ELAPOR2: variants seen among roughly 807,000 people sequenced by gnomAD.
ELAPOR2 encodes the protein endosome-lysosome associated apoptosis and autophagy regulator family member 2.
ELAPOR2 carries 89 observed loss-of-function variants against 120.7 expected under a neutral mutation model. The observed-to-expected ratio is 0.74, with a 90% confidence interval of 0.62 to 0.88. The LOEUF is 0.88. ELAPOR2 is among the 40% of genes least tolerant of loss of function. The probability of loss-of-function intolerance (pLI) is 0.00; values close to 1 mark genes in which losing one functional copy is unlikely to be tolerated. For missense variants in ELAPOR2, 1,134 were observed against 1,251.6 expected (o/e 0.91, Z 1.42); for synonymous variants, 444 against 444.9 (o/e 1.00, Z 0.03).
At chr7:86,984,152 G>A (rs1792620228) in intron 1 of ELAPOR2, among the ~76,000 whole-genome samples, 1 of 152,090 alleles carries the variant, frequency 6.6e-6, no homozygotes, top group South Asian at 2.1e-4. Context: ...AAATATATAT[G>A]CACCTAATAC....
intron 1 of ELAPOR2, among the ~76,000 whole-genome samples, chr7:87,047,944 G>C (rs111721179): frequency 0.015 from 2,210 of 152,238 alleles, 56 homozygotes; most frequent in African/African-American, 0.05. Context: ...ACAAATGAAT[G>C]GATAAAGAAA....
Position 86,880,263 on chromosome 7 carries a change from CA to C in ELAPOR2, c.*207del, listed in dbSNP as rs1799332125. Reference sequence around the variant, plus strand: ...TTGAGCTTCATCTTCAGTTGAGACCCAAATCATTTGCTTTCCTTTATTTGGC... The same window carrying C: ...TTGAGCTTCATCTTCAGTTGAGACCCAATCATTTGCTTTCCTTTATTTGGC... On this transcript the variant is annotated 3_prime_UTR_variant, in exon 22 of 22. Transcript: ENST00000450689. The C allele has an allele frequency of 1.7e-6, 1 of 581,374 alleles. No homozygotes were observed. Among genetic ancestry groups the C allele is most frequent in the South Asian group, 2.2e-5 (1 of 45,008 alleles). 36.0% of individuals were successfully genotyped at this position (581,374 alleles called of 1,614,324 possible).
At position 86,945,005 on chromosome 7, in the gene ELAPOR2, C is replaced by G; in HGVS notation, c.548G>C (p.Arg183Pro). 1.3e-6 allele frequency: 2 copies of G among 1,550,262 alleles called. No individual in the cohort carries two copies. The highest frequency in any genetic ancestry group is 1.7e-6 in the Non-Finnish European group (2 of 1,146,536). ...IPRGNYIESN[R>P]DDCTVSLIYA... ...GATCAAAGACACCGTGCAGTCATCA[C>G]GATTAGATTCTATGTAGTTTCCACG... Residue 183 changes from arginine to proline, a missense_variant, in exon 4 of 22, where the codon CGT becomes CCT. Arg to Pro is a moderately radical substitution (Grantham distance 103, BLOSUM62 -2). Coordinates refer to ENST00000450689, the MANE Select transcript of ELAPOR2 (RefSeq NM_001142749.3).
intron 1 of ELAPOR2, among the ~76,000 whole-genome samples, chr7:87,018,403 T>A (rs1244947582): frequency 6.6e-6 from 1 of 152,188 alleles, no homozygotes; most frequent in East Asian, 1.9e-4. Context: ...CATAGGTTAG[T>A]ATCAATTCAT....
chr7:86,971,522 T>C lies in ELAPOR2; in HGVS notation c.190-6498A>G, dbSNP rs1792107512. On this transcript the variant is annotated intron_variant, in intron 1 of 21. Transcript: ENST00000450689. The stretch of plus-strand genomic sequence containing the variant: ...TTTCTCACATTTAAAGTATATCTTA[T>C]TGTATAAGACAGACTTCAAGCACAT... 2.0e-5 allele frequency among the ~76,000 whole-genome samples: 3 copies of C among 152,210 alleles called. 1 individual carries two copies. Among genetic ancestry groups the C allele is most frequent in the Admixed American group, 1.3e-4 (2 of 15,276 alleles).
intron 1 of ELAPOR2, among the ~76,000 whole-genome samples, chr7:87,038,430 C>T (rs1008197058): frequency 1.3e-5 from 2 of 152,042 alleles, no homozygotes; most frequent in East Asian, 1.9e-4. Context: ...GTATACATAA[C>T]GATGCAAACA....
chr7:87,024,902 C>T (rs1288061169), intron 1 of ELAPOR2, among the ~76,000 whole-genome samples: 1 of 149,120 alleles, frequency 6.7e-6, no homozygotes, highest in Non-Finnish European at 1.5e-5. Flanking sequence ...GAAATTGAGG[C>T]AATAATAAAA....
Position 86,903,362 on chromosome 7 carries a change from ATTTGGT to A in ELAPOR2, c.2558+4302_2558+4307del, listed in dbSNP as rs1190377171. On this transcript the variant is annotated intron_variant, in intron 18 of 21. Transcript: ENST00000450689. Reference sequence around the variant, plus strand: ...TTACTTTTTAATATTCTAAGAACGTATTTGGTTTTGGTCTTTTGAGTTAAATTGCCT... The same window carrying A: ...TTACTTTTTAATATTCTAAGAACGTATTTGGTCTTTTGAGTTAAATTGCCT... 1.4e-4 allele frequency among the ~76,000 whole-genome samples: 21 copies of A among 152,260 alleles called. No individual in the cohort carries two copies. The South Asian group carries it at 3.1e-3, about 23-fold the overall frequency.
At chr7:86,898,559 CAAAAA>C (rs11418158) in intron 18 of ELAPOR2, among the ~76,000 whole-genome samples, 17 of 66,586 alleles carry the variant, frequency 2.6e-4, no homozygotes, top group African/African-American at 6.2e-4. Context: ...ACACAATGAC[CAAAAA>C]AAAAAAAAAA....
chr7:86,968,070 A>T (rs1202291082), intron 1 of ELAPOR2, among the ~76,000 whole-genome samples: 1 of 152,206 alleles, frequency 6.6e-6, no homozygotes, highest in African/African-American at 2.4e-5. Flanking sequence ...CCTTAAATCC[A>T]TAGAAAGATC....
chr7:86,933,041 CTT>C (rs770803806), intron 8 of ELAPOR2, among the ~76,000 whole-genome samples: 16 of 151,622 alleles, frequency 1.1e-4, no homozygotes, highest in Non-Finnish European at 1.8e-4. Flanking sequence ...ACTCATCTGA[CTT>C]ATATTCTTCT....
At chr7:87,044,880 GA>G (rs1437326765) in intron 1 of ELAPOR2, among the ~76,000 whole-genome samples, 7 of 148,880 alleles carry the variant, frequency 4.7e-5, no homozygotes, top group African/African-American at 1.8e-4. Context: ...CTAATATCCA[GA>G]ATCTACAATG....
At chr7:87,043,239 G>A (rs1169041886) in intron 1 of ELAPOR2, among the ~76,000 whole-genome samples, 4 of 151,628 alleles carry the variant, frequency 2.6e-5, no homozygotes, top group South Asian at 2.1e-4. Context: ...GAAAAAGAGG[G>A]AATCCTCCCT....
At chr7:86,961,071 C>T (rs962064249) in intron 2 of ELAPOR2, among the ~76,000 whole-genome samples, 2 of 152,142 alleles carry the variant, frequency 1.3e-5, no homozygotes, top group African/African-American at 4.8e-5. Flanking sequence ...AAAAACTATA[C>T]ACACATATAT....
rs189118705 is a variant in ELAPOR2, at chr7:87,014,206, T to A, written c.189+45119A>T. 7.9e-4 allele frequency among the ~76,000 whole-genome samples: 121 copies of A among 152,212 alleles called. 1 individual carries two copies. Among genetic ancestry groups the A allele is most frequent in the Non-Finnish European group, 1.3e-3 (89 of 67,992 alleles). Reference sequence around the variant, plus strand: ...GTTCAACATTAATGAATCAACAACATAGATTAAATAAGATCTCTTAAAATG... The same window carrying A: ...GTTCAACATTAATGAATCAACAACAAAGATTAAATAAGATCTCTTAAAATG... On this transcript the variant is annotated intron_variant, in intron 1 of 21. Coordinates refer to ENST00000450689, the MANE Select transcript of ELAPOR2 (RefSeq NM_001142749.3).
At chr7:86,981,806 G>A (rs1007964744) in intron 1 of ELAPOR2, among the ~76,000 whole-genome samples, 1 of 152,208 alleles carries the variant, frequency 6.6e-6, no homozygotes, top group African/African-American at 2.4e-5. Context: ...ATTGGGACTG[G>A]TTGGACAGTG....
At chr7:87,055,926 C>G (rs1795249010) in intron 1 of ELAPOR2, among the ~76,000 whole-genome samples, 1 of 152,204 alleles carries the variant, frequency 6.6e-6, no homozygotes, top group Admixed American at 6.5e-5. Context: ...CAGCAGTGAA[C>G]TAAGAATCAG....
At chr7:86,881,942 T>A (rs965575037) in intron 21 of ELAPOR2, among the ~76,000 whole-genome samples, 2 of 152,222 alleles carry the variant, frequency 1.3e-5, no homozygotes. Flanking sequence ...AGGGTAAGTT[T>A]GCTTTTGTGT....
chr7:86,934,695 C>T (rs1790488784), intron 8 of ELAPOR2, among the ~76,000 whole-genome samples: 1 of 151,978 alleles, frequency 6.6e-6, no homozygotes, highest in South Asian at 2.1e-4. Flanking sequence ...CTTTAATTGC[C>T]AGCTATTTGC....
Sources: allele counts gnomAD v4.1 joint callset (sites outside exome capture counted in the v4.1 genomes callset), GRCh38; gene constraint gnomAD v4.1.1; transcripts MANE v1.5; gene names NCBI Gene and HGNC (gene_info 2026-07-23, HGNC 2026-07-21).